The following PCDHA9 variants were observed in gnomAD, a reference collection of about 807,000 sequenced individuals.
PCDHA9 encodes protocadherin alpha 9, also known as protocadherin alpha-9.
PCDHA9 carries 62 observed loss-of-function variants against 62.0 expected under a neutral mutation model. The ratio of observed to expected loss-of-function variants is 1.00; its 90% confidence interval spans 0.81 to 1.23. The LOEUF (loss-of-function observed/expected upper bound fraction) is 1.23. Ranked by LOEUF, PCDHA9 falls within the 50% of genes most tolerant of loss-of-function variation. The probability of loss-of-function intolerance (pLI) is 0.00; values close to 1 mark genes in which losing one functional copy is unlikely to be tolerated. For missense variants in PCDHA9, 1,205 were observed against 1,249.8 expected, an observed-to-expected ratio of 0.96 and a Z score of 0.54; for synonymous variants, 557 against 567.6, an observed-to-expected ratio of 0.98 and a Z score of 0.27.
At chr5:140,921,385 A>C (rs571029849) in intron 1 of PCDHA9, among the ~76,000 whole-genome samples, 1 of 152,294 alleles carries the variant, frequency 6.6e-6, no homozygotes, top group East Asian at 1.9e-4. Flanking sequence ...CATATTTGAT[A>C]AACATTCACA....
intron 1 of PCDHA9, among the ~76,000 whole-genome samples, chr5:140,944,030 A>G (rs1272534224): frequency 1.3e-5 from 2 of 152,214 alleles, no homozygotes; most frequent in East Asian, 1.9e-4. Context: ...TCTTCAAAAT[A>G]TGGAAAACCA....
rs995118768 is a variant in PCDHA9 at position 140,943,957 on chromosome 5, T to G, written c.2395-34992T>G. Among the ~76,000 whole-genome samples the G allele has an allele frequency of 2.6e-5, 4 of 152,224 alleles. No individual in the cohort carries two copies. The South Asian group carries it at 8.3e-4, about 32-fold the overall frequency. On this transcript the variant is annotated intron_variant, in intron 1 of 3. Coordinates refer to ENST00000532602, the MANE Select transcript of PCDHA9 (RefSeq NM_031857.2). ...TGTGGTTATAGGAGAAGCAGTGAAT[T>G]AAAGAGTTAAAGTAATTAAGAAAAC... is the stretch of plus-strand genomic sequence containing the variant.
At chr5:140,905,635 A>ACTGTTGCCTCAGGCAGTGCAGG (rs2071993181) in intron 1 of PCDHA9, among the ~76,000 whole-genome samples, 1 of 152,206 alleles carries the variant, frequency 6.6e-6, no homozygotes, top group South Asian at 2.1e-4. Flanking sequence ...CAGTATGGTC[A>ACTGTTGCCTCAGGCAGTGCAGG]GTTTCACAGT....
chr5:140,876,708 C>T, intron 1 of PCDHA9: 7 of 1,614,220 alleles, frequency 4.3e-6, no homozygotes, highest in African/African-American at 1.3e-5. Context: ...TGGACAGCGC[C>T]CTGGACCGCG....
chr5:140,976,812 G>A (rs2096732233), intron 1 of PCDHA9, among the ~76,000 whole-genome samples: 1 of 152,178 alleles, frequency 6.6e-6, no homozygotes, highest in Non-Finnish European at 1.5e-5. Flanking sequence ...CTGAAGATAT[G>A]CATGTGTCTA....
In PCDHA9 at chr5:140,851,667, T is replaced by A. The variant is rs628871; in HGVS notation, c.2394+778T>A. 6.8e-5 allele frequency: 62 copies of A among 912,304 alleles called. 4 individuals carry two copies. Among genetic ancestry groups the A allele is most frequent in the Non-Finnish European group, 7.9e-5 (59 of 749,702 alleles). 56.5% of individuals were successfully genotyped at this position (912,304 alleles called of 1,614,324 possible). A position where few individuals can be genotyped will look rare whatever the true frequency, so the allele number is the denominator to read the frequency against. ...TTCAAGAAGACATTCTCCTTTTAAT[T>A]GAAATTTTCTCCATTCAGTGATAAA... is the stretch of plus-strand genomic sequence containing the variant. On this transcript the variant is annotated intron_variant, in intron 1 of 3. Coordinates refer to ENST00000532602, the MANE Select transcript of PCDHA9 (RefSeq NM_031857.2).
intron 1 of PCDHA9, among the ~76,000 whole-genome samples, chr5:140,900,452 T>A (rs2068062293): frequency 6.6e-6 from 1 of 152,222 alleles, no homozygotes; most frequent in South Asian, 2.1e-4. Flanking sequence ...TAATTTTTTA[T>A]TTTTAGTAGA....
At chr5:140,962,455 A>G (rs571453201) in intron 1 of PCDHA9, among the ~76,000 whole-genome samples, 4 of 152,246 alleles carry the variant, frequency 2.6e-5, no homozygotes, top group Non-Finnish European at 4.4e-5. Flanking sequence ...TGAATCTCTT[A>G]TGGCTTGAAT....
intron 3 of PCDHA9, among the ~76,000 whole-genome samples, chr5:140,993,183 A>C (rs551464442): frequency 2.7e-4 from 41 of 152,298 alleles, no homozygotes; most frequent in Non-Finnish European, 5.0e-4. Flanking sequence ...ATTTCTTTAG[A>C]GGGAAACTCA....
rs1554263792 is a variant in PCDHA9 at position 141,012,059 on chromosome 5, C to T, written c.*2122C>T. 1 of 153,718 alleles carries T rather than the reference C, an allele frequency of 6.5e-6. No individual in the cohort carries two copies. The highest frequency in any genetic ancestry group is 1.5e-5 in the Non-Finnish European group (1 of 68,036). The allele number at this position is 153,718 out of a possible 1,614,324, so 9.5% of individuals were successfully genotyped here. A position where few individuals can be genotyped will look rare whatever the true frequency, so the allele number is the denominator to read the frequency against. ...TGCATGGGGTAAAACTTGTTACCAA[C>T]ACATGTGAACCATTGCTACATTGTA... On this transcript the variant is annotated 3_prime_UTR_variant, in exon 4 of 4. Transcript: ENST00000532602.
chr5:140,939,565 A>G (rs560033193), intron 1 of PCDHA9, among the ~76,000 whole-genome samples: 24 of 152,096 alleles, frequency 1.6e-4, no homozygotes, highest in African/African-American at 5.8e-4. Flanking sequence ...TAGTTTGGTT[A>G]ATCAAAATGG....
At chr5:140,973,207 A>C (rs1335984656) in intron 1 of PCDHA9, among the ~76,000 whole-genome samples, 1 of 152,100 alleles carries the variant, frequency 6.6e-6, no homozygotes, top group Non-Finnish European at 1.5e-5. Flanking sequence ...GTGCATATTC[A>C]CCCTAATTCC....
intron 1 of PCDHA9, chr5:140,927,033 G>A (rs2083768533): frequency 1.2e-6 from 2 of 1,612,344 alleles, no homozygotes; most frequent in Non-Finnish European, 1.7e-6. Flanking sequence ...GGCTGCCAGC[G>A]GCCGCTATGT....
intron 3 of PCDHA9, among the ~76,000 whole-genome samples, chr5:140,996,530 T>C (rs1423892657): frequency 6.6e-6 from 1 of 152,210 alleles, no homozygotes; most frequent in East Asian, 1.9e-4. Flanking sequence ...AGGCCCTGTG[T>C]GTTTTGATAT....
rs781972089 is a variant in PCDHA9 at position 141,009,851 on chromosome 5, A to G, written c.2767A>G (p.Lys923Glu). 1 of 1,614,060 alleles carries G rather than the reference A, an allele frequency of 6.2e-7. No individual in the cohort carries two copies. Among genetic ancestry groups the G allele is most frequent in the Non-Finnish European group, 8.5e-7 (1 of 1,179,986 alleles). Residue 923 changes from lysine to glutamate, a missense_variant, in exon 4 of 4, where the codon AAG becomes GAG. Transcript: ENST00000532602. ...AACCTTCGGCAAAAAGGAGGAGACC[A>G]AGAAAAAGAAGAAAAAGAAGAAGGG... is the stretch of plus-strand genomic sequence containing the variant. ...FITFGKKEETKKKKKKKKGNK... is the reference protein window; with the variant it reads ...FITFGKKEETEKKKKKKKGNK...
intron 1 of PCDHA9, among the ~76,000 whole-genome samples, chr5:140,931,907 G>T (rs573618162): frequency 6.6e-6 from 1 of 151,782 alleles, no homozygotes; most frequent in Non-Finnish European, 1.5e-5. Flanking sequence ...CATTTGAAAA[G>T]CATGACATTT....
chr5:140,988,363 C>T (rs782342714), intron 3 of PCDHA9, among the ~76,000 whole-genome samples: 25 of 152,132 alleles, frequency 1.6e-4, no homozygotes, highest in Admixed American at 4.6e-4. Context: ...CTTTTACTTT[C>T]TGGGGTTGTG....
intron 1 of PCDHA9, chr5:140,929,609 A>G: frequency 2.4e-6 from 1 of 410,256 alleles, no homozygotes; most frequent in Non-Finnish European, 4.4e-6. Flanking sequence ...TAAAAATAAA[A>G]TACCAAAATA....
intron 1 of PCDHA9, among the ~76,000 whole-genome samples, chr5:140,914,272 A>G (rs1356508399): frequency 2.0e-5 from 3 of 152,212 alleles, no homozygotes; most frequent in Non-Finnish European, 4.4e-5. Context: ...GGGTGCATAT[A>G]TATTTATAAT....
Sources: allele counts gnomAD v4.1 joint callset (sites outside exome capture counted in the v4.1 genomes callset), GRCh38; gene constraint gnomAD v4.1.1; transcripts MANE v1.5; gene names NCBI Gene and HGNC (gene_info 2026-07-23, HGNC 2026-07-21).